The following GSK3B variants were observed in gnomAD, a reference collection of about 807,000 sequenced individuals.
The protein encoded by GSK3B is glycogen synthase kinase 3 beta.
In GSK3B, 15 loss-of-function variants were observed where a neutral mutation model predicts 56.4. That is an observed-to-expected ratio of 0.27 (90% CI 0.18 to 0.41). GSK3B has a LOEUF of 0.41. Among genes scored for constraint, GSK3B ranks in the 10% least tolerant of loss-of-function variants. GSK3B has a pLI of 1.00. For synonymous variants in GSK3B, 181 were observed against 188.9 expected (o/e 0.96, Z 0.34); for missense variants, 300 against 513.4 (o/e 0.58, Z 4.02).
chr3:120,015,345 G>C (rs2057814896), intron 1 of GSK3B, among the ~76,000 whole-genome samples: 1 of 152,036 alleles, frequency 6.6e-6, no homozygotes, highest in East Asian at 1.9e-4. Flanking sequence ...ACTTCACTAA[G>C]AGCTCTTAGA....
At chr3:120,053,507 G>C (rs1009730817) in intron 1 of GSK3B, among the ~76,000 whole-genome samples, 2 of 152,084 alleles carry the variant, frequency 1.3e-5, no homozygotes, top group Non-Finnish European at 2.9e-5. Flanking sequence ...GTAGTAATAG[G>C]GACTACTATT....
intron 1 of GSK3B, among the ~76,000 whole-genome samples, chr3:120,066,040 G>A (rs192174151): frequency 6.6e-6 from 1 of 152,266 alleles, no homozygotes; most frequent in Admixed American, 6.5e-5. Context: ...GATGCACAAC[G>A]TGGTGAAGGT....
At chr3:120,006,888 G>A (rs1280982303) in intron 1 of GSK3B, among the ~76,000 whole-genome samples, 4 of 151,096 alleles carry the variant, frequency 2.6e-5, no homozygotes, top group Non-Finnish European at 4.4e-5. Flanking sequence ...TCAAAACCTC[G>A]CAGAAGACAA....
At chr3:119,831,882 C>A (rs1278624375) in intron 10 of GSK3B, among the ~76,000 whole-genome samples, 2 of 152,102 alleles carry the variant, frequency 1.3e-5, no homozygotes, top group African/African-American at 4.8e-5. Flanking sequence ...TGCCCCCAAA[C>A]CAAGGATGGA....
intron 1 of GSK3B, among the ~76,000 whole-genome samples, chr3:120,061,718 T>C (rs1254376944): frequency 6.6e-6 from 1 of 151,260 alleles, no homozygotes; most frequent in Non-Finnish European, 1.5e-5. Flanking sequence ...AGAAAGAATA[T>C]ATGAATTTAT....
At chr3:120,053,014 T>C (rs1284695091) in intron 1 of GSK3B, among the ~76,000 whole-genome samples, 5 of 152,162 alleles carry the variant, frequency 3.3e-5, no homozygotes, top group Admixed American at 6.5e-5. Flanking sequence ...AGCTCTACTA[T>C]AGAGCTCTAC....
chr3:119,988,508 C>G (rs1013139115), intron 2 of GSK3B, among the ~76,000 whole-genome samples: 10 of 152,188 alleles, frequency 6.6e-5, no homozygotes, highest in African/African-American at 2.4e-4. Context: ...AAGGCTTTAA[C>G]TGGAATAATA....
At chr3:119,949,947 T>TGA (rs2057140293) in intron 2 of GSK3B, among the ~76,000 whole-genome samples, 1 of 152,032 alleles carries the variant, frequency 6.6e-6, no homozygotes, top group African/African-American at 2.4e-5. Flanking sequence ...GACATTCATG[T>TGA]GAGGTCAGGG....
chr3:119,856,483 G>C (rs2056024949), intron 9 of GSK3B, among the ~76,000 whole-genome samples: 1 of 152,082 alleles, frequency 6.6e-6, no homozygotes, highest in African/African-American at 2.4e-5. Flanking sequence ...AATAATCTCA[G>C]GCAAAACAAT....
At chr3:120,041,311 A>T in intron 1 of GSK3B, 1 of 298,528 alleles carries the variant, frequency 3.3e-6, no homozygotes, top group Non-Finnish European at 6.8e-6. Flanking sequence ...CTTCCAGCTG[A>T]TATATCCACC....
intron 3 of GSK3B, among the ~76,000 whole-genome samples, chr3:119,928,950 G>C (rs937691790): frequency 6.6e-6 from 1 of 152,108 alleles, no homozygotes; most frequent in Non-Finnish European, 1.5e-5. Context: ...AAAGACTCGA[G>C]TTTTAGCTAT....
In GSK3B at chr3:119,923,824, C is replaced by T. The variant is rs144165226; in HGVS notation, c.367-341G>A. On this transcript the variant is annotated intron_variant, in intron 3 of 10. Coordinates refer to ENST00000264235, the MANE Select transcript of GSK3B (RefSeq NM_001146156.2). ...AGGCTGATAATCAATGTCCTCATAT[C>T]CTATTAAGATAAGTATCGTGGTGGC... Among the ~76,000 whole-genome samples, 254 of 152,198 alleles carry T rather than the reference C, an allele frequency of 1.7e-3. 1 individual carries two copies. The highest frequency in any genetic ancestry group is 2.8e-3 in the Non-Finnish European group (188 of 68,004).
intron 6 of GSK3B, among the ~76,000 whole-genome samples, chr3:119,907,188 A>G (rs77273668): frequency 0.016 from 2,440 of 152,222 alleles, 62 homozygotes; most frequent in African/African-American, 0.056. Context: ...CCCTTTACCT[A>G]GTTAATAAGA....
intron 9 of GSK3B, among the ~76,000 whole-genome samples, chr3:119,861,510 C>CAAAA (rs550145796): frequency 2.7e-5 from 2 of 74,090 alleles, no homozygotes; most frequent in East Asian, 3.6e-4. Context: ...GACTCCGTCT[C>CAAAA]AAAAAAAAAA....
In GSK3B at chr3:120,006,933, T is replaced by C. The variant is rs187385015; in HGVS notation, c.89-4694A>G. Among the ~76,000 whole-genome samples, 12 of 146,550 alleles carry C rather than the reference T, an allele frequency of 8.2e-5. No homozygotes were observed. In the East Asian group the frequency reaches 2.2e-3, roughly 27 times the overall value. On this transcript the variant is annotated intron_variant, in intron 1 of 10. Coordinates refer to ENST00000264235, the MANE Select transcript of GSK3B (RefSeq NM_001146156.2). ...AAGATCAGAGCAGAAGTGAAAGAGA[T>C]AGAGACAGAAAAAAAACCTTCAAAA...
At chr3:119,953,231 T>C (rs539487689) in intron 2 of GSK3B, among the ~76,000 whole-genome samples, 2 of 152,156 alleles carry the variant, frequency 1.3e-5, no homozygotes, top group East Asian at 1.9e-4. Flanking sequence ...CTTAAGACGA[T>C]ACACTAAAAA....
intron 1 of GSK3B, among the ~76,000 whole-genome samples, chr3:120,037,843 C>T (rs951010174): frequency 5.9e-5 from 9 of 152,058 alleles, no homozygotes; most frequent in African/African-American, 2.2e-4. Context: ...TGCCAGATGA[C>T]ATCAATAACT....
intron 2 of GSK3B, among the ~76,000 whole-genome samples, chr3:119,991,259 C>T (rs1171324228): frequency 6.6e-6 from 1 of 152,094 alleles, no homozygotes; most frequent in Admixed American, 6.6e-5. Context: ...ATCTTTATCC[C>T]CACAACACAA....
intron 1 of GSK3B, among the ~76,000 whole-genome samples, chr3:120,091,443 T>G (rs1371405441): frequency 6.6e-6 from 1 of 152,140 alleles, no homozygotes; most frequent in Non-Finnish European, 1.5e-5. Flanking sequence ...CCATCCTTAG[T>G]TAGTATCTGT....
Sources: allele counts gnomAD v4.1 joint callset (sites outside exome capture counted in the v4.1 genomes callset), GRCh38; gene constraint gnomAD v4.1.1; transcripts MANE v1.5; gene names NCBI Gene and HGNC (gene_info 2026-07-23, HGNC 2026-07-21).